Variants in CABS1 observed in about 807,000 individuals in gnomAD.
CABS1 encodes the protein calcium-binding and spermatid-specific protein 1.
For missense variants in CABS1, 500 were observed against 464.3 expected (o/e 1.08, Z -0.71); for synonymous variants, 195 against 169.0 (o/e 1.15, Z -1.19).
Position 70,335,781 on chromosome 4 carries a change from G to T in CABS1, c.742G>T (p.Glu248Ter), listed in dbSNP as rs746825814. 2 of 1,613,598 alleles carry T rather than the reference G, an allele frequency of 1.2e-6. No individual in the cohort carries two copies. Among genetic ancestry groups the T allele is most frequent in the Non-Finnish European group, 1.7e-6 (2 of 1,179,736 alleles). Reference protein sequence around the residue: ...KITEIDLSVLEDDTSAVATLT... With the variant: ...KITEIDLSVL ...AACCGAAATTGACCTAAGTGTTTTA[G>T]AAGATGACACCAGTGCTGTGGCTAC... Residue 248 changes from glutamate to a stop codon, truncating the protein, a stop_gained, in exon 1 of 2, where the codon GAA (glutamate) becomes TAA (stop). Coordinates refer to ENST00000273936, the MANE Select transcript of CABS1 (RefSeq NM_033122.4). LOFTEE classifies it low-confidence loss of function (END_TRUNC).
rs573276803 is a variant in CABS1 at position 70,335,794 on chromosome 4, G to T, written c.755G>T (p.Ser252Ile). 9.9e-6 allele frequency: 16 copies of T among 1,613,494 alleles called. No individual in the cohort carries two copies. The highest frequency in any genetic ancestry group is 2.2e-5 in the East Asian group (1 of 44,850). ...CTAAGTGTTTTAGAAGATGACACCA[G>T]TGCTGTGGCTACATTAACTGACTCT... ...IDLSVLEDDT[S>I]AVATLTDSDE... Residue 252 changes from serine to isoleucine, a missense_variant, in exon 1 of 2, where the codon AGT becomes ATT. By Grantham distance (142) the Ser-to-Ile change is moderately radical. Transcript: ENST00000273936.
chr4:70,335,626 A>C lies in CABS1; in HGVS notation c.587A>C (p.Lys196Thr), dbSNP rs758500866. The C allele has an allele frequency of 1.2e-6, 2 of 1,613,598 alleles. No homozygotes were observed. Residue 196 changes from lysine to threonine, a missense_variant, in exon 1 of 2, where the codon AAA becomes ACA. Physicochemically the swap from Lys to Thr is moderately conservative, Grantham distance 78. Coordinates refer to ENST00000273936, the MANE Select transcript of CABS1 (RefSeq NM_033122.4). Reference protein sequence around the residue: ...ADMSNYNSSIKSNVPADEAVQ... With the variant: ...ADMSNYNSSITSNVPADEAVQ... ...ATGAGCAATTATAATTCCTCCATCA[A>C]ATCCAATGTCCCTGCTGATGAGGCT...
Position 70,336,031 on chromosome 4 carries a change from C to T in CABS1, c.992C>T (p.Thr331Ile), listed in dbSNP as rs1265143572. 1.2e-6 allele frequency: 2 copies of T among 1,613,458 alleles called. No individual in the cohort carries two copies. Among genetic ancestry groups the T allele is most frequent in the South Asian group, 2.2e-5 (2 of 91,070 alleles). Reference protein sequence around the residue: ...YDFVVPASIATNLVEESSTEE... With the variant: ...YDFVVPASIAINLVEESSTEE... ...TTCGTTGTCCCTGCATCAATAGCTA[C>T]AAACCTAGTGGAAGAATCATCTACA... The change falls in exon 1 of 2, where the codon ACA (threonine) becomes ATA (isoleucine). Residue 331 changes from threonine to isoleucine, a missense_variant. Transcript: ENST00000273936.
chr4:70,336,124 C>A lies in CABS1; in HGVS notation c.1085C>A (p.Thr362Asn), dbSNP rs771867150. 27 of 1,613,206 alleles carry A rather than the reference C, an allele frequency of 1.7e-5. No homozygotes were observed. The South Asian group carries it at 2.5e-4, about 15-fold the overall frequency. ...AAGATCACTGAGCCATTTTCTGGAA[C>A]TACCTCTGTATTAGATACCCCAGAC... ...VPKITEPFSG[T>N]TSVLDTPDYK... Residue 362 changes from threonine to asparagine, a missense_variant, in exon 1 of 2, where the codon ACT (threonine) becomes AAT (asparagine). Physicochemically the swap from Thr to Asn is moderately conservative, Grantham distance 65. Transcript: ENST00000273936.
chr4:70,336,747 C>T (rs544900664), intron 1 of CABS1, among the ~76,000 whole-genome samples: 12 of 151,842 alleles, frequency 7.9e-5, no homozygotes, highest in Non-Finnish European at 1.0e-4. Flanking sequence ...TTTTAATCCT[C>T]ATATAAGAAT....
Position 70,336,207 on chromosome 4 carries a change from C to A in CABS1, c.1168C>A (p.Pro390Thr), listed in dbSNP as rs745910463. ...TDIFELLKEE[P>T]DEFMI ...TATCTTTGAACTACTGAAAGAAGAA[C>A]CCGATGAGTTCATGATTTAAAAGCA... The change falls in exon 1 of 2, where the codon CCC (proline) becomes ACC (threonine). Residue 390 changes from proline (P) to threonine (T), a missense_variant. By Grantham distance (38) the Pro-to-Thr change is conservative. Transcript: ENST00000273936. 8.7e-6 allele frequency: 14 copies of A among 1,610,556 alleles called. No individual in the cohort carries two copies. The highest frequency in any genetic ancestry group is 3.3e-4 in the Middle Eastern group (2 of 6,052).
rs1177996196 is a variant in CABS1 at position 70,335,831 on chromosome 4, T to A, written c.792T>A (p.Phe264Leu). The change falls in exon 1 of 2, where the codon TTT becomes TTA. Residue 264 changes from phenylalanine (F) to leucine (L), a missense_variant. Transcript: ENST00000273936. ...VATLTDSDEK[F>L]ITVFELTTSA... ...CATTAACTGACTCTGATGAGAAGTT[T>A]ATCACTGTGTTTGAACTCACTACCT... 2 of 1,613,500 alleles carry A rather than the reference T, an allele frequency of 1.2e-6. No individual in the cohort carries two copies. Among genetic ancestry groups the A allele is most frequent in the Non-Finnish European group, 1.7e-6 (2 of 1,179,760 alleles).
rs1414589758 is a variant in CABS1 at position 70,335,737 on chromosome 4, C to A, written c.698C>A (p.Ala233Asp). The change falls in exon 1 of 2, where the codon GCC becomes GAC. Residue 233 changes from alanine (A) to aspartate (D), a missense_variant. Physicochemically the swap from Ala to Asp is moderately radical, Grantham distance 126. Coordinates refer to ENST00000273936, the MANE Select transcript of CABS1 (RefSeq NM_033122.4). ...TTCACTACTATTCCAGACATAACTG[C>A]CCTTGAAGAAGAGAAAATAACCGAA... is the stretch of plus-strand genomic sequence containing the variant. The part of the protein sequence containing the change: ...ESFTTIPDIT[A>D]LEEEKITEID... The A allele has an allele frequency of 1.2e-6, 2 of 1,613,578 alleles. No individual in the cohort carries two copies. Among genetic ancestry groups the A allele is most frequent in the Non-Finnish European group, 1.7e-6 (2 of 1,179,740 alleles).
chr4:70,335,137 C>G lies in CABS1; in HGVS notation c.98C>G (p.Ala33Gly), dbSNP rs1233915958. ...AATIFFGADN[A>G]IPKSETTITS... is the part of the protein sequence containing the mutation. ...ACCATTTTCTTTGGGGCTGACAATGCTATTCCCAAATCAGAAACAACTATT... is the reference window on the plus strand; with the variant it reads ...ACCATTTTCTTTGGGGCTGACAATGGTATTCCCAAATCAGAAACAACTATT... The change falls in exon 1 of 2, where the codon GCT (alanine) becomes GGT (glycine). Residue 33 changes from alanine to glycine, a missense_variant. By Grantham distance (60) the Ala-to-Gly change is moderately conservative. Coordinates refer to ENST00000273936, the MANE Select transcript of CABS1 (RefSeq NM_033122.4). The G allele has an allele frequency of 6.2e-7, 1 of 1,613,654 alleles. No individual in the cohort carries two copies. The highest frequency in any genetic ancestry group is 1.3e-5 in the African/African-American group (1 of 74,886).
In CABS1 at chr4:70,334,999, A is replaced by G; in HGVS notation, c.-41A>G. ...CCTGCCTAGAGATACCACTGAGTCC[A>G]GAAGCAAGACCTGTGAGAGTGCACA... On this transcript the variant is annotated 5_prime_UTR_variant, in exon 1 of 2. Transcript: ENST00000273936. The G allele has an allele frequency of 6.4e-7, 1 of 1,573,080 alleles. No individual in the cohort carries two copies. Among genetic ancestry groups the G allele is most frequent in the Non-Finnish European group, 8.6e-7 (1 of 1,160,644 alleles).
At chr4:70,336,438 G>C (rs544820706) in intron 1 of CABS1, 92 bp downstream of exon 1, 1 of 547,294 alleles carries the variant, frequency 1.8e-6, no homozygotes, top group East Asian at 3.6e-5. Context: ...GCAGTGTAAG[G>C]GTCCCCCTAG....
In CABS1 at chr4:70,335,132, C is replaced by A. The variant is rs1731688273; in HGVS notation, c.93C>A (p.Asp31Glu). ...PTAATIFFGA[D>E]NAIPKSETTI... ...CAGCAACCATTTTCTTTGGGGCTGA[C>A]AATGCTATTCCCAAATCAGAAACAA... The change falls in exon 1 of 2, where the codon GAC becomes GAA. Residue 31 changes from aspartate to glutamate, a missense_variant. By Grantham distance (45) the Asp-to-Glu change is conservative. Coordinates refer to ENST00000273936, the MANE Select transcript of CABS1 (RefSeq NM_033122.4). 1.2e-6 allele frequency: 2 copies of A among 1,613,676 alleles called. No homozygotes were observed. Among genetic ancestry groups the A allele is most frequent in the Middle Eastern group, 1.6e-4 (1 of 6,078 alleles).
Position 70,335,355 on chromosome 4 carries a change from A to T in CABS1, c.316A>T (p.Ile106Leu). ...ITSLTGTTNS[I>L]TRDSITEHFM... ...CTCTCTGACTGGCACTACAAACTCC[A>T]TAACAAGAGACTCTATTACCGAACA... Residue 106 changes from isoleucine to leucine, a missense_variant, in exon 1 of 2, where the codon ATA becomes TTA. By Grantham distance (5) the Ile-to-Leu change is conservative (BLOSUM62 2). Transcript: ENST00000273936. 6.2e-7 allele frequency: 1 copy of T among 1,613,832 alleles called. No homozygotes were observed. The highest frequency in any genetic ancestry group is 8.5e-7 in the Non-Finnish European group (1 of 1,179,850).
At position 70,335,535 on chromosome 4, in the gene CABS1, C is replaced by G; in HGVS notation, c.496C>G (p.Leu166Val). 1 of 1,613,674 alleles carries G rather than the reference C, an allele frequency of 6.2e-7. No homozygotes were observed. Among genetic ancestry groups the G allele is most frequent in the Non-Finnish European group, 8.5e-7 (1 of 1,179,782 alleles). ...ISITSEVSGTLKDSSAGVADA... is the reference protein window; with the variant it reads ...ISITSEVSGTVKDSSAGVADA... ...AATAACCTCTGAAGTCTCTGGCACA[C>G]TAAAGGACAGCAGTGCTGGTGTTGC... is the stretch of plus-strand genomic sequence containing the variant. Residue 166 changes from leucine to valine, a missense_variant, in exon 1 of 2, where the codon CTA becomes GTA. By Grantham distance (32) the Leu-to-Val change is conservative. Coordinates refer to ENST00000273936, the MANE Select transcript of CABS1 (RefSeq NM_033122.4).
At position 70,336,433 on chromosome 4, in the gene CABS1, G is replaced by A. The variant is rs115006059; in HGVS notation, c.*119+87G>A. 9.9e-4 allele frequency: 579 copies of A among 582,272 alleles called. 1 individual carries two copies. In the African/African-American group the frequency reaches 0.01, roughly 10 times the overall value. 36.1% of individuals were successfully genotyped at this position (582,272 alleles called of 1,614,324 possible). A position where few individuals can be genotyped will look rare whatever the true frequency, so the allele number is the denominator to read the frequency against. ...GAAACTTAGAAAAAAAAACCGCAGT[G>A]TAAGGGTCCCCCTAGTATCACAAAG... On this transcript the variant is annotated intron_variant, in intron 1 of 1. Coordinates refer to ENST00000273936, the MANE Select transcript of CABS1 (RefSeq NM_033122.4).
chr4:70,336,367 A>G, intron 1 of CABS1, 21 bp downstream of exon 1: 4 of 1,204,716 alleles, frequency 3.3e-6, no homozygotes, highest in Non-Finnish European at 4.5e-6. Context: ...GACTCAATAA[A>G]TGCAGATGCT....
At chr4:70,336,412 CT>C in intron 1 of CABS1, 66 bp downstream of exon 1, 1 of 776,898 alleles carries the variant, frequency 1.3e-6, no homozygotes, top group Non-Finnish European at 1.8e-6. Context: ...TTTACGGAAA[CT>C]TAGAAAAAAA....
rs766245586 is a variant in CABS1, at chr4:70,335,702, T to C, written c.663T>C (p.Pro221=). 20 of 1,613,468 alleles carry C rather than the reference T, an allele frequency of 1.2e-5. No homozygotes were observed. In the African/African-American group the frequency reaches 2.3e-4, roughly 18 times the overall value. The change falls in exon 1 of 2, where the codon CCT becomes CCC. Residue 221 remains proline, a synonymous_variant. Transcript: ENST00000273936. ...TIPEAEIPPA[P]EESFTTIPDI... ...CTGAGGCTGAAATCCCTCCTGCTCC[T>C]GAAGAAAGCTTCACTACTATTCCAG...
rs1560516123 is a variant in CABS1 at position 70,336,362 on chromosome 4, A to C, written c.*119+16A>C. The C allele has an allele frequency of 8.0e-7, 1 of 1,257,092 alleles. No homozygotes were observed. The highest frequency in any genetic ancestry group is 1.1e-6 in the Non-Finnish European group (1 of 937,168). The allele number at this position is 1,257,092 out of a possible 1,614,324, so 77.9% of individuals were successfully genotyped here. Reference sequence around the variant, plus strand: ...GGCATTTAAGGCAAGTATTCGACTCAATAAATGCAGATGCTTAGGACTACA... The same window carrying C: ...GGCATTTAAGGCAAGTATTCGACTCCATAAATGCAGATGCTTAGGACTACA... On this transcript the variant is annotated intron_variant, in intron 1 of 1. Coordinates refer to ENST00000273936, the MANE Select transcript of CABS1 (RefSeq NM_033122.4).
Sources: gnomAD v4.1 joint callset for allele counts (sites outside exome capture counted in the v4.1 genomes callset) on GRCh38, gnomAD v4.1.1 for gene constraint, MANE v1.5 for transcripts, NCBI Gene and HGNC (gene_info 2026-07-23, HGNC 2026-07-21) for gene names.